Variants in PTPN1 observed in about 807,000 individuals in gnomAD.
The protein encoded by PTPN1 is tyrosine-protein phosphatase non-receptor type 1.
PTPN1 carries 12 observed loss-of-function variants against 59.9 expected under a neutral mutation model. The ratio of observed to expected loss-of-function variants is 0.20; its 90% CI spans 0.13 to 0.32. The LOEUF (loss-of-function observed/expected upper bound fraction) is 0.32, where lower values mean the gene tolerates loss of function less well. Ranked by LOEUF, PTPN1 falls within the 10% of genes least tolerant of loss-of-function variation. The pLI, the probability that PTPN1 is intolerant of heterozygous loss-of-function variation, is 1.00. For missense variants in PTPN1, 356 were observed against 549.2 expected, an observed-to-expected ratio of 0.65 and a Z score of 3.52; for synonymous variants, 178 against 203.6, an observed-to-expected ratio of 0.87 and a Z score of 1.07.
chr20:50,521,939 A>G (rs1488687135), intron 1 of PTPN1, among the ~76,000 whole-genome samples: 1 of 152,186 alleles, frequency 6.6e-6, no homozygotes, highest in Non-Finnish European at 1.5e-5. Context: ...GTCGGTGTAC[A>G]CTACCTAGCA....
intron 1 of PTPN1, among the ~76,000 whole-genome samples, chr20:50,550,788 T>C (rs1289012133): frequency 6.6e-6 from 1 of 152,270 alleles, no homozygotes; most frequent in East Asian, 1.9e-4. Context: ...TCCTGGCTGC[T>C]AATGGGTTGC....
At chr20:50,523,530 A>G (rs1282362458) in intron 1 of PTPN1, among the ~76,000 whole-genome samples, 1 of 152,168 alleles carries the variant, frequency 6.6e-6, no homozygotes, top group Non-Finnish European at 1.5e-5. Flanking sequence ...TTTCTCGTCT[A>G]GATTGTAAGC....
At chr20:50,574,680 T>C (rs763990171) in intron 5 of PTPN1, 26 bp downstream of exon 5, 1 of 1,581,850 alleles carries the variant, frequency 6.3e-7, no homozygotes, top group South Asian at 1.2e-5. Flanking sequence ...ACTTCAGCAC[T>C]TCAGGCGGCT....
intron 5 of PTPN1, among the ~76,000 whole-genome samples, chr20:50,578,194 G>C (rs988518230): frequency 6.6e-6 from 1 of 152,190 alleles, no homozygotes; most frequent in African/African-American, 2.4e-5. Context: ...AATCCGAAGG[G>C]AAATGAAGTC....
chr20:50,520,535 TGCAATGTACTGAA>T (rs1365637098), intron 1 of PTPN1, among the ~76,000 whole-genome samples: 1 of 152,198 alleles, frequency 6.6e-6, no homozygotes, highest in Non-Finnish European at 1.5e-5. Context: ...TGACCACGCC[TGCAATGTACTGAA>T]GCAAGGCTTT....
intron 5 of PTPN1, 95 bp from the exon 6 acceptor site, chr20:50,578,325 G>A: frequency 1.0e-6 from 1 of 987,582 alleles, no homozygotes; most frequent in East Asian, 2.5e-5. Flanking sequence ...CCTCTTAGAG[G>A]TAGAGAGTGG....
chr20:50,538,117 T>TTA (rs2082632224), intron 1 of PTPN1, among the ~76,000 whole-genome samples: 1 of 152,096 alleles, frequency 6.6e-6, no homozygotes, highest in Admixed American at 6.6e-5. Context: ...GTCAGTTGAT[T>TTA]TATACTTCCT....
At chr20:50,569,516 G>A (rs2082796177) in intron 4 of PTPN1, among the ~76,000 whole-genome samples, 1 of 152,108 alleles carries the variant, frequency 6.6e-6, no homozygotes. Flanking sequence ...ACTGTCCTGT[G>A]TAGACTGTCC....
At chr20:50,550,797 G>C (rs2082699012) in intron 1 of PTPN1, among the ~76,000 whole-genome samples, 1 of 152,220 alleles carries the variant, frequency 6.6e-6, no homozygotes, top group Non-Finnish European at 1.5e-5. Context: ...CTAATGGGTT[G>C]CTGCCTCTAC....
In PTPN1 at chr20:50,564,409, C is replaced by T. The variant is rs145444674; in HGVS notation, c.155-560C>T. On this transcript the variant is annotated intron_variant, in intron 2 of 9. Transcript: ENST00000371621. Reference sequence around the variant, plus strand: ...AGGAGTTCGAGACCAGCCTGGCCAACATGGTGAAACCCCATCTCTACTAAA... The same window carrying T: ...AGGAGTTCGAGACCAGCCTGGCCAATATGGTGAAACCCCATCTCTACTAAA... Among the ~76,000 whole-genome samples the T allele has an allele frequency of 3.0e-3, 456 of 152,230 alleles. 4 individuals are homozygous for T. The highest frequency in any genetic ancestry group is 1.0e-2 in the African/African-American group (415 of 41,532).
chr20:50,522,492 TAATAA>T (rs1335773386), intron 1 of PTPN1, among the ~76,000 whole-genome samples: 4 of 152,220 alleles, frequency 2.6e-5, no homozygotes, highest in African/African-American at 9.6e-5. Flanking sequence ...CTCATAGCTA[TAATAA>T]AATAAAATAA....
intron 1 of PTPN1, among the ~76,000 whole-genome samples, chr20:50,538,854 C>T (rs1230511990): frequency 6.6e-6 from 1 of 152,096 alleles, no homozygotes; most frequent in Non-Finnish European, 1.5e-5. Flanking sequence ...TGAAGTATTC[C>T]TAGCTGCTAC....
chr20:50,564,809 C>T (rs17847909), intron 2 of PTPN1, among the ~76,000 whole-genome samples, 160 bp from the exon 3 acceptor site: 6,851 of 152,238 alleles, frequency 0.045, 213 homozygotes, highest in Non-Finnish European at 0.069. Flanking sequence ...AAATCCCAGT[C>T]GCCCCATACT....
intron 1 of PTPN1, among the ~76,000 whole-genome samples, chr20:50,554,380 A>ACTCTCTCTCTCTCTCTCTCTC (rs1555829976): frequency 7.1e-6 from 1 of 140,198 alleles, no homozygotes; most frequent in Non-Finnish European, 1.5e-5. Flanking sequence ...GCAAGACCAC[A>ACTCTCTCTCTCTCTCTCTCTC]TCTCTCTCTC....
intron 1 of PTPN1, among the ~76,000 whole-genome samples, chr20:50,545,310 C>T (rs572730964): frequency 1.3e-5 from 2 of 151,968 alleles, no homozygotes; most frequent in African/African-American, 2.4e-5. Flanking sequence ...TGCATGCCTT[C>T]GTAGTGGGGA....
intron 1 of PTPN1, among the ~76,000 whole-genome samples, chr20:50,520,059 A>G (rs2082544415): frequency 6.6e-6 from 1 of 152,218 alleles, no homozygotes; most frequent in East Asian, 1.9e-4. Flanking sequence ...AGTTGGAAGC[A>G]TAGTGACAGT....
At position 50,536,525 on chromosome 20, in the gene PTPN1, C is replaced by T. The variant is rs544434595; in HGVS notation, c.64-24838C>T. On this transcript the variant is annotated intron_variant, in intron 1 of 9. Transcript: ENST00000371621. ...TTGAAGTGGTCCTTGGGCACTTAAG[C>T]AAGGCTTAAAGAATGATGTGATTAG... Among the ~76,000 whole-genome samples the T allele has an allele frequency of 6.6e-5, 10 of 152,258 alleles. No individual in the cohort carries two copies. The South Asian group carries it at 2.1e-3, about 32-fold the overall frequency.
At chr20:50,567,095 C>T (rs753641502) in intron 3 of PTPN1, among the ~76,000 whole-genome samples, 1 of 152,152 alleles carries the variant, frequency 6.6e-6, no homozygotes, top group Non-Finnish European at 1.5e-5. Context: ...GTGGTTGAGC[C>T]AAGTGTGATG....
chr20:50,581,560 C>T, intron 9 of PTPN1, 100 bp downstream of exon 9: 1 of 1,313,458 alleles, frequency 7.6e-7, no homozygotes, highest in Non-Finnish European at 1.0e-6. Flanking sequence ...GCATCTGAGC[C>T]AGTCTCAGAA....
Sources: allele counts gnomAD v4.1 joint callset (sites outside exome capture counted in the v4.1 genomes callset), GRCh38; gene constraint gnomAD v4.1.1; transcripts MANE v1.5; gene names NCBI Gene and HGNC (gene_info 2026-07-23, HGNC 2026-07-21).